Variants in C4orf51 observed in about 807,000 individuals in gnomAD.
C4orf51 encodes chromosome 4 open reading frame 51.
In C4orf51, 25 loss-of-function variants were observed where a neutral mutation model predicts 25.2. That is an observed-to-expected ratio of 0.99 (90% CI 0.72 to 1.39). The LOEUF is 1.39. C4orf51 is among the 40% of genes most tolerant of loss of function. The pLI, the probability that C4orf51 is intolerant of heterozygous loss-of-function variation, is 0.00. For missense variants in C4orf51, 252 were observed against 239.6 expected (o/e 1.05, Z -0.34); for synonymous variants, 100 against 84.5 (o/e 1.18, Z -1.01).
At chr4:145,753,282 A>G (rs144353911) in intron 1 of C4orf51, among the ~76,000 whole-genome samples, 301 of 151,960 alleles carry the variant, frequency 2.0e-3, no homozygotes, top group Admixed American at 4.6e-3. Context: ...GTCTTTTAAT[A>G]TGAATCCTAG....
At chr4:145,791,498 C>T in the C4orf51 span, among the ~76,000 whole-genome samples, 8 of 152,076 alleles carry the variant, frequency 5.3e-5, no homozygotes, top group Admixed American at 1.3e-4. Context: ...TTCCTGTGAA[C>T]GTATGTCATA....
chr4:145,714,515 G>A (rs1731297500), intron 2 of C4orf51, among the ~76,000 whole-genome samples: 1 of 151,904 alleles, frequency 6.6e-6, no homozygotes, highest in Non-Finnish European at 1.5e-5. Flanking sequence ...TTTGTTTTTT[G>A]TTTCTGTTTG....
downstream of C4orf51, among the ~76,000 whole-genome samples, chr4:145,735,911 A>G (rs975200147): frequency 2.0e-5 from 3 of 152,122 alleles, no homozygotes; most frequent in African/African-American, 7.2e-5. Flanking sequence ...GGCTCATTCA[A>G]TTTTATTTAT....
rs774851537 is a variant in C4orf51 at position 145,761,564 on chromosome 4, C to T, written n.167-9424C>T. 3.9e-6 allele frequency: 5 copies of T among 1,276,204 alleles called. No homozygotes were observed. Among genetic ancestry groups the T allele is most frequent in the South Asian group, 2.5e-5 (2 of 79,856 alleles). The allele number at this position is 1,276,204 out of a possible 1,614,324, so 79.1% of individuals were successfully genotyped here. ...GTCTTGAGGTGGCACTCCATGGCAG[C>T]GGGGCGGTTGGTGGAATAAATGCAG... On this transcript the variant is annotated intron_variant and non_coding_transcript_variant, in intron 1 of 1. Transcript: ENST00000510096. This position sits in a 1 kb window ranked among gnomAD's most constrained non-coding sequence, Gnocchi z 6.8.
chr4:145,787,799 C>T, the C4orf51 span, among the ~76,000 whole-genome samples: 1 of 152,140 alleles, frequency 6.6e-6, no homozygotes, highest in Non-Finnish European at 1.5e-5. Flanking sequence ...TCCAATCCAA[C>T]TCCTTCATTT....
At chr4:145,733,646 C>T (rs1310700688), downstream of C4orf51, among the ~76,000 whole-genome samples, 2 of 152,176 alleles carry the variant, frequency 1.3e-5, no homozygotes, top group Non-Finnish European at 1.5e-5. Context: ...AGCACCACCC[C>T]TGCCTCCCGC....
downstream of C4orf51, among the ~76,000 whole-genome samples, chr4:145,771,397 T>C (rs1187722161): frequency 6.6e-6 from 1 of 152,244 alleles, no homozygotes; most frequent in African/African-American, 2.4e-5. Flanking sequence ...ATAGGGATTC[T>C]GTAAGTTATC....
chr4:145,734,281 G>A (rs1732675603), downstream of C4orf51, among the ~76,000 whole-genome samples: 1 of 152,224 alleles, frequency 6.6e-6, no homozygotes, highest in Non-Finnish European at 1.5e-5. Context: ...CATAGACTCT[G>A]AGTGTTGTAA....
chr4:145,702,921 C>T (rs1334582574), intron 2 of C4orf51, among the ~76,000 whole-genome samples: 1 of 151,854 alleles, frequency 6.6e-6, no homozygotes, highest in Non-Finnish European at 1.5e-5. Flanking sequence ...TCCCACGCCG[C>T]CCCTAATCCC....
rs554765807 is a variant in C4orf51, at chr4:145,722,550, T to A, written c.308-4361T>A. On this transcript the variant is annotated intron_variant, in intron 2 of 5. Transcript: ENST00000438731. Reference sequence around the variant, plus strand: ...TCTTAAAAATCTGTCATGAAAGAGATTTGCTCTCTAATCTATCCCAATGGT... The same window carrying A: ...TCTTAAAAATCTGTCATGAAAGAGAATTGCTCTCTAATCTATCCCAATGGT... 7.2e-5 allele frequency among the ~76,000 whole-genome samples: 11 copies of A among 152,330 alleles called. No homozygotes were observed. The East Asian group carries it at 1.2e-3, about 16-fold the overall frequency.
chr4:145,768,858 C>CAAAA (rs1174930111), intron 1 of C4orf51, among the ~76,000 whole-genome samples: 92 of 4,536 alleles, frequency 0.02, 37 homozygotes, highest in Non-Finnish European at 0.027. Flanking sequence ...GACTCCGTCT[C>CAAAA]AAAAAAAAAA....
chr4:145,730,137 T>A (rs1052088684), intron 5 of C4orf51, among the ~76,000 whole-genome samples, 172 bp downstream of exon 5: 2 of 152,200 alleles, frequency 1.3e-5, no homozygotes, highest in Non-Finnish European at 2.9e-5. Flanking sequence ...TCTGATAAGA[T>A]AAAGTCTTTC....
chr4:145,702,489 G>A (rs1051637800), intron 2 of C4orf51, among the ~76,000 whole-genome samples: 1 of 152,078 alleles, frequency 6.6e-6, no homozygotes, highest in African/African-American at 2.4e-5. Context: ...CTTCAGTCAA[G>A]CCCAAATTTC....
the C4orf51 span, among the ~76,000 whole-genome samples, chr4:145,791,139 A>G: frequency 6.6e-6 from 1 of 152,244 alleles, no homozygotes; most frequent in Non-Finnish European, 1.5e-5. Flanking sequence ...TATAAACCAC[A>G]GAAATGTTTT....
rs1392656153 is a variant in C4orf51 at position 145,693,649 on chromosome 4, GCCGGGCAGGGGGGCTGA to G, written c.234-2907_234-2891del. On this transcript the variant is annotated intron_variant, in intron 1 of 5. Transcript: ENST00000438731. The stretch of plus-strand genomic sequence containing the variant: ...CCTCACCTCCCGGACGGGGCGGCTG[GCCGGGCAGGGGGGCTGA>G]CCCCCCCCACCTCCCTCCCGGAGGG... 4.5e-4 allele frequency among the ~76,000 whole-genome samples: 44 copies of G among 97,184 alleles called. 3 individuals carry two copies. The highest frequency in any genetic ancestry group is 2.0e-3 in the African/African-American group (44 of 22,400). The allele number at this position is 97,184 out of a possible 152,430, so 63.8% of individuals were successfully genotyped here.
chr4:145,701,269 T>A (rs1730423529), intron 2 of C4orf51, among the ~76,000 whole-genome samples: 1 of 151,582 alleles, frequency 6.6e-6, no homozygotes, highest in South Asian at 2.1e-4. Flanking sequence ...GCCTCCACTG[T>A]GAGACAAACC....
intron 1 of C4orf51, among the ~76,000 whole-genome samples, chr4:145,683,378 T>C (rs1728950012): frequency 6.6e-6 from 1 of 152,186 alleles, no homozygotes; most frequent in African/African-American, 2.4e-5. Context: ...TCCAACAGGT[T>C]AGTTTCTGAA....
intron 3 of C4orf51, 38 bp downstream of exon 3, chr4:145,727,007 AG>A: frequency 6.5e-7 from 1 of 1,535,616 alleles, no homozygotes; most frequent in South Asian, 1.1e-5. Flanking sequence ...TTACCTGTAG[AG>A]AGCTTAAATT....
At chr4:145,745,541 A>G (rs1037734699) in intron 1 of C4orf51, among the ~76,000 whole-genome samples, 4 of 152,284 alleles carry the variant, frequency 2.6e-5, no homozygotes, top group Middle Eastern at 3.4e-3. Flanking sequence ...TGCTGTTGCA[A>G]ATGATTGGAT....
Sources: allele counts gnomAD v4.1 joint callset (sites outside exome capture counted in the v4.1 genomes callset), GRCh38; gene constraint gnomAD v4.1.1; non-coding constraint Gnocchi (gnomAD v3.1); transcripts MANE v1.5; gene names NCBI Gene and HGNC (gene_info 2026-07-23, HGNC 2026-07-21).